The following ELFN1 variants were observed in gnomAD, a reference collection of about 807,000 sequenced individuals.
ELFN1 encodes the protein extracellular leucine rich repeat and fibronectin type III domain containing 1, also known as protein ELFN1.
ELFN1 carries 6 observed loss-of-function variants against 7.6 expected under a neutral mutation model. The ratio of observed to expected loss-of-function variants is 0.79; its 90% CI spans 0.43 to 1.56. ELFN1 has a LOEUF of 1.56. Among genes scored for constraint, ELFN1 ranks in the 40% most tolerant of loss-of-function variants. The probability of loss-of-function intolerance (pLI) is 0.01; values close to 1 mark genes in which losing one functional copy is unlikely to be tolerated. For missense variants in ELFN1, 1,169 were observed against 1,232.2 expected (o/e 0.95, Z 0.77); for synonymous variants, 657 against 588.1 (o/e 1.12, Z -1.70).
In ELFN1 at chr7:1,717,133, T is replaced by C. The variant is rs1038275960; in HGVS notation, c.-294+7881T>C. ...TCCGTAACACCACAGCCCTGAGCGA[T>C]AGGCATCAGTGGTGCCGCCGCACGC... On this transcript the variant is annotated intron_variant, in intron 3 of 3. Coordinates refer to ENST00000424383, the MANE Select transcript of ELFN1 (RefSeq NM_001128636.4). Among the ~76,000 whole-genome samples, 9 of 152,254 alleles carry C rather than the reference T, an allele frequency of 5.9e-5. No individual in the cohort carries two copies. In the East Asian group the frequency reaches 1.5e-3, roughly 26 times the overall value.
At chr7:1,704,295 C>T (rs945667893) in intron 2 of ELFN1, among the ~76,000 whole-genome samples, 1 of 152,180 alleles carries the variant, frequency 6.6e-6, no homozygotes, top group African/African-American at 2.4e-5. Flanking sequence ...TCCCCCTCCT[C>T]ACCCCAAAAC....
At position 1,746,920 on chromosome 7, in the gene ELFN1, G is replaced by C. The variant is rs907438302; in HGVS notation, c.2324G>C (p.Ser775Thr). 19 of 1,549,254 alleles carry C rather than the reference G, an allele frequency of 1.2e-5. No homozygotes were observed. The African/African-American group carries it at 2.5e-4, about 20-fold the overall frequency. Residue 775 changes from serine to threonine, a missense_variant, in exon 4 of 4, where the codon AGC becomes ACC. This residue lies in a region of ELFN1 where 914 missense variants were observed against 872.6 expected (regional missense o/e 1.05). Coordinates refer to ENST00000424383, the MANE Select transcript of ELFN1 (RefSeq NM_001128636.4). ...SPEYTCRASQ[S>T]IWERFRLSRR... Reference sequence around the variant, plus strand: ...GAGTACACCTGCCGGGCCTCCCAGAGCATCTGGGAGCGCTTCAGACTGAGC... The same window carrying C: ...GAGTACACCTGCCGGGCCTCCCAGACCATCTGGGAGCGCTTCAGACTGAGC...
intron 2 of ELFN1, among the ~76,000 whole-genome samples, chr7:1,691,359 C>T (rs900739369): frequency 6.6e-6 from 1 of 152,226 alleles, no homozygotes; most frequent in Non-Finnish European, 1.5e-5. Flanking sequence ...ACCTTCTGCT[C>T]TGCAGCCTTG....
intron 2 of ELFN1, among the ~76,000 whole-genome samples, chr7:1,697,700 ATC>A (rs1289360898): frequency 4.6e-5 from 7 of 151,690 alleles, no homozygotes; most frequent in African/African-American, 1.7e-4. Context: ...CCGGGACTTT[ATC>A]TCTGTTTTTC....
At position 1,670,384 on chromosome 7, in the gene ELFN1, C is replaced by G. The variant is rs541514574; in HGVS notation, c.-549+30C>G. 7.3e-4 allele frequency among the ~76,000 whole-genome samples: 110 copies of G among 151,720 alleles called. No homozygotes were observed. The Middle Eastern group carries it at 0.027, about 38-fold the overall frequency. On this transcript the variant is annotated intron_variant, in intron 1 of 3. Transcript: ENST00000424383. The surrounding 1 kb of genome is among the most constrained non-coding windows in gnomAD (Gnocchi z 6.4). ...GCGGCGAGCGCGGCCGGGCGCTGAA[C>G]CTGGGGGACTTGGGACCCGGACCAC...
chr7:1,732,656 T>C (rs377451985), intron 3 of ELFN1, among the ~76,000 whole-genome samples: 57 of 152,108 alleles, frequency 3.7e-4, no homozygotes, highest in African/African-American at 1.2e-3. Context: ...GAGGCGGGTG[T>C]CCTGTCTCAG....
At chr7:1,685,405 TTCTC>T (rs903623977) in intron 1 of ELFN1, among the ~76,000 whole-genome samples, 6 of 152,174 alleles carry the variant, frequency 3.9e-5, no homozygotes, top group Admixed American at 1.3e-4. Context: ...TCCTGTGTCT[TTCTC>T]TCTCTCCTGT....
intron 3 of ELFN1, among the ~76,000 whole-genome samples, chr7:1,732,498 A>G (rs1000237401): frequency 6.6e-6 from 1 of 152,170 alleles, no homozygotes; most frequent in Admixed American, 6.5e-5. Flanking sequence ...GAGGGAATAG[A>G]TTACTCAACA....
Position 1,746,924 on chromosome 7 carries a change from C to T in ELFN1, c.2328C>T (p.Ile776=), listed in dbSNP as rs771713224. 146 of 1,549,724 alleles carry T rather than the reference C, an allele frequency of 9.4e-5. No homozygotes were observed. In the Middle Eastern group the frequency reaches 4.3e-3, roughly 46 times the overall value. The change falls in exon 4 of 4, where the codon ATC becomes ATT. Residue 776 remains isoleucine, a synonymous_variant. Transcript: ENST00000424383. ...ACACCTGCCGGGCCTCCCAGAGCAT[C>T]TGGGAGCGCTTCAGACTGAGCCGCC... The part of the protein sequence containing the change: ...PEYTCRASQS[I]WERFRLSRRR...
chr7:1,713,411 C>G (rs931158740), intron 3 of ELFN1, among the ~76,000 whole-genome samples: 4 of 152,188 alleles, frequency 2.6e-5, no homozygotes, highest in Non-Finnish European at 5.9e-5. Flanking sequence ...GCATTGTTTC[C>G]GAGATCCCTT....
intron 1 of ELFN1, among the ~76,000 whole-genome samples, chr7:1,671,412 G>C (rs947788353): frequency 3.3e-5 from 5 of 152,246 alleles, no homozygotes; most frequent in African/African-American, 1.2e-4. Context: ...CTGCACACCC[G>C]GAGTGGGGCC....
intron 1 of ELFN1, among the ~76,000 whole-genome samples, chr7:1,682,561 C>T (rs60830361): frequency 0.044 from 6,664 of 152,078 alleles, 402 homozygotes; most frequent in African/African-American, 0.14. Context: ...TCACCACAGC[C>T]TCCCAAGTGT....
intron 1 of ELFN1, among the ~76,000 whole-genome samples, chr7:1,686,671 C>T (rs576063896): frequency 8.5e-5 from 13 of 152,190 alleles, no homozygotes; most frequent in African/African-American, 2.9e-4. Flanking sequence ...GGGTAGTTTT[C>T]AGGCCTGACC....
At chr7:1,729,997 C>T (rs1035208585) in intron 3 of ELFN1, among the ~76,000 whole-genome samples, 1 of 152,222 alleles carries the variant, frequency 6.6e-6, no homozygotes, top group Non-Finnish European at 1.5e-5. Context: ...CTGGGGTCAC[C>T]CTCCAAGGCC....
At chr7:1,668,320 C>G (rs1248758210), upstream of ELFN1, among the ~76,000 whole-genome samples, 1 of 152,236 alleles carries the variant, frequency 6.6e-6, no homozygotes, top group Non-Finnish European at 1.5e-5. Context: ...GCGGCTCCTC[C>G]GGGCAGGCGC....
intron 3 of ELFN1, among the ~76,000 whole-genome samples, chr7:1,723,657 G>A (rs192497783): frequency 3.3e-5 from 5 of 152,340 alleles, no homozygotes; most frequent in Admixed American, 2.0e-4. Flanking sequence ...GCTGTGCCCC[G>A]GCCTGGGGCT....
chr7:1,672,306 C>A (rs1778782650), intron 1 of ELFN1, among the ~76,000 whole-genome samples: 1 of 152,066 alleles, frequency 6.6e-6, no homozygotes, highest in South Asian at 2.1e-4. Context: ...ACTGATTTTT[C>A]AAAGTGTCTT....
chr7:1,677,551 C>T (rs748162110), intron 1 of ELFN1, among the ~76,000 whole-genome samples: 3 of 151,176 alleles, frequency 2.0e-5, no homozygotes, highest in Non-Finnish European at 3.0e-5. Context: ...CATGTAGATT[C>T]GTGTCTGAAT....
Position 1,735,876 on chromosome 7 carries a change from G to A in ELFN1, c.-293-8428G>A, listed in dbSNP as rs1199547709. Among the ~76,000 whole-genome samples the A allele has an allele frequency of 2.0e-5, 3 of 152,140 alleles. No individual in the cohort carries two copies. Among genetic ancestry groups the A allele is most frequent in the Non-Finnish European group, 2.9e-5 (2 of 68,018 alleles). The stretch of plus-strand genomic sequence containing the variant: ...ATCCCCCACCACAACCCTGGGAGGC[G>A]GACACCGTGATGATCTCTGTTTGAC... On this transcript the variant is annotated intron_variant, in intron 3 of 3. Coordinates refer to ENST00000424383, the MANE Select transcript of ELFN1 (RefSeq NM_001128636.4). The surrounding 1 kb of genome is among the most constrained non-coding windows in gnomAD (Gnocchi z 5.9).
Sources: allele counts gnomAD v4.1 joint callset (sites outside exome capture counted in the v4.1 genomes callset), GRCh38; gene constraint gnomAD v4.1.1; regional missense constraint gnomAD v4.1.1; non-coding constraint Gnocchi (gnomAD v3.1); transcripts MANE v1.5; gene names NCBI Gene and HGNC (gene_info 2026-07-23, HGNC 2026-07-21).